EDC3: variants seen among roughly 807,000 people sequenced by gnomAD.
The protein encoded by EDC3 is enhancer of mRNA decapping 3, also known as enhancer of mRNA-decapping protein 3.
EDC3 carries 20 observed loss-of-function variants against 41.8 expected under a neutral mutation model. That is an observed-to-expected ratio of 0.48 (90% CI 0.34 to 0.70). EDC3 has a LOEUF of 0.70. Ranked by LOEUF, EDC3 falls within the 30% of genes least tolerant of loss-of-function variation. The pLI is 0.01. For synonymous variants in EDC3, 206 were observed against 243.2 expected, an observed-to-expected ratio of 0.85 and a Z score of 1.42; for missense variants, 444 against 636.8, an observed-to-expected ratio of 0.70 and a Z score of 3.26.
Position 74,671,605 on chromosome 15 carries a change from T to C in EDC3, c.334A>G (p.Ser112Gly), listed in dbSNP as rs2062739560. ...CTCTTAGGGATATTCTGAGGGGCAC[T>C]GCTGGAAGAGGCTGGCTTCTTGACA... is the stretch of plus-strand genomic sequence containing the variant. The part of the protein sequence containing the change: ...KFVKKPASSS[S>G]APQNIPKRTD... The change falls in exon 3 of 7, where the codon AGT becomes GGT. Residue 112 changes from serine (S) to glycine (G), a missense_variant. Around this residue, in one of 3 missense-constraint regions of EDC3, gnomAD observed 200 missense variants for 244.0 expected, o/e 0.82. Coordinates refer to ENST00000315127, the MANE Select transcript of EDC3 (RefSeq NM_025083.5). The surrounding 1 kb of genome is among the most constrained non-coding windows in gnomAD (Gnocchi z 4.6). The C allele has an allele frequency of 6.2e-7, 1 of 1,614,210 alleles. No individual in the cohort carries two copies. The highest frequency in any genetic ancestry group is 8.5e-7 in the Non-Finnish European group (1 of 1,180,030).
At chr15:74,645,797 A>G (rs2062409244) in intron 4 of EDC3, among the ~76,000 whole-genome samples, 1 of 151,972 alleles carries the variant, frequency 6.6e-6, no homozygotes, top group Admixed American at 6.6e-5. Context: ...AGGGGAGCCC[A>G]GGAGGCAGAG....
intron 4 of EDC3, among the ~76,000 whole-genome samples, chr15:74,654,985 A>C (rs745848373): frequency 2.0e-5 from 3 of 152,226 alleles, no homozygotes. Context: ...GGATCATTCA[A>C]TAACAATGGT....
intron 1 of EDC3, among the ~76,000 whole-genome samples, chr15:74,692,077 C>A (rs571126938): frequency 6.6e-6 from 1 of 152,216 alleles, no homozygotes; most frequent in East Asian, 1.9e-4. Flanking sequence ...CCTCAGTCTC[C>A]CAAAGTGATG....
At chr15:74,657,822 T>C (rs1469693846) in intron 3 of EDC3, among the ~76,000 whole-genome samples, 1 of 152,232 alleles carries the variant, frequency 6.6e-6, no homozygotes, top group Non-Finnish European at 1.5e-5. Context: ...ATTGCTATTC[T>C]GACTTACAAA....
chr15:74,634,928 A>G (rs934413198), intron 6 of EDC3, among the ~76,000 whole-genome samples: 5 of 152,106 alleles, frequency 3.3e-5, no homozygotes, highest in African/African-American at 9.7e-5. Context: ...TAAAAGCCCA[A>G]ATCCTTGTGG....
intron 6 of EDC3, among the ~76,000 whole-genome samples, chr15:74,634,156 G>A (rs571147402): frequency 6.6e-6 from 1 of 152,262 alleles, no homozygotes; most frequent in South Asian, 2.1e-4. Context: ...AAGCTCACCA[G>A]GAGCCTCCAC....
rs1156584025 is a variant in EDC3, at chr15:74,691,301, CACTATATGAATTATTTTAAGAT to C, written c.-19+4557_-19+4578del. 1.4e-4 allele frequency among the ~76,000 whole-genome samples: 22 copies of C among 152,176 alleles called. No individual in the cohort carries two copies. The East Asian group carries it at 3.7e-3, about 25-fold the overall frequency. Reference sequence around the variant, plus strand: ...CAATTATACACCTATCTCATAGAACCACTATATGAATTATTTTAAGATACTATATGGATTATTTTAAGATACT... The same window carrying C: ...CAATTATACACCTATCTCATAGAACCACTATATGGATTATTTTAAGATACT... On this transcript the variant is annotated intron_variant, in intron 1 of 6. Transcript: ENST00000315127.
At chr15:74,690,302 G>A (rs972763856) in intron 1 of EDC3, among the ~76,000 whole-genome samples, 2 of 152,204 alleles carry the variant, frequency 1.3e-5, no homozygotes, top group African/African-American at 4.8e-5. Flanking sequence ...ACTACTGAAT[G>A]CCAGATAAGT....
chr15:74,690,798 A>G (rs889909677), intron 1 of EDC3, among the ~76,000 whole-genome samples: 2 of 152,114 alleles, frequency 1.3e-5, no homozygotes, highest in Admixed American at 1.3e-4. Context: ...CCCGCCTCAG[A>G]AAAAGAAATC....
intron 6 of EDC3, among the ~76,000 whole-genome samples, chr15:74,633,555 T>C (rs1402659788): frequency 2.6e-5 from 4 of 152,226 alleles, no homozygotes; most frequent in African/African-American, 9.6e-5. Flanking sequence ...AGGGAACCTA[T>C]TACTATTCTC....
intron 4 of EDC3, among the ~76,000 whole-genome samples, chr15:74,652,678 C>G (rs2062495981): frequency 6.6e-6 from 1 of 151,812 alleles, no homozygotes; most frequent in Non-Finnish European, 1.5e-5. Flanking sequence ...ACCTCATGGG[C>G]TCAGACGCTC....
At chr15:74,648,012 G>T (rs1344119046) in intron 4 of EDC3, among the ~76,000 whole-genome samples, 1 of 152,168 alleles carries the variant, frequency 6.6e-6, no homozygotes, top group Non-Finnish European at 1.5e-5. Flanking sequence ...AGACAAGGCA[G>T]GACCCTGCAT....
chr15:74,659,511 T>TATATATAG (rs1346060455), intron 3 of EDC3, among the ~76,000 whole-genome samples: 1 of 127,054 alleles, frequency 7.9e-6, no homozygotes, highest in African/African-American at 2.9e-5. Context: ...TATATATATA[T>TATATATAG]AGGCAAATAA....
At chr15:74,649,410 C>A (rs1056711145) in intron 4 of EDC3, among the ~76,000 whole-genome samples, 13 of 152,128 alleles carry the variant, frequency 8.5e-5, no homozygotes, top group Admixed American at 7.2e-4. Flanking sequence ...TGAGCCACTG[C>A]AGCCAACTAC....
intron 4 of EDC3, among the ~76,000 whole-genome samples, chr15:74,646,629 T>C (rs1013624853): frequency 5.9e-5 from 9 of 152,148 alleles, no homozygotes; most frequent in Non-Finnish European, 1.3e-4. Context: ...CCAGAATGCA[T>C]GTGACATGTG....
intron 1 of EDC3, among the ~76,000 whole-genome samples, chr15:74,688,768 G>A (rs950083921): frequency 2.0e-4 from 30 of 152,176 alleles, no homozygotes; most frequent in African/African-American, 6.7e-4. Flanking sequence ...TTAGCTGGGC[G>A]TGGTGGCACA....
intron 4 of EDC3, among the ~76,000 whole-genome samples, chr15:74,654,096 CA>C (rs1160105164): frequency 1.3e-5 from 2 of 151,794 alleles, no homozygotes; most frequent in African/African-American, 4.8e-5. Context: ...ACTAAAAATA[CA>C]AAAAAATTAG....
chr15:74,634,718 C>T (rs761882321), intron 6 of EDC3, among the ~76,000 whole-genome samples: 2 of 152,124 alleles, frequency 1.3e-5, no homozygotes, highest in African/African-American at 2.4e-5. Context: ...AACTAACTAC[C>T]TTCACCACCT....
Position 74,671,404 on chromosome 15 carries a change from A to C in EDC3, c.484+51T>G, listed in dbSNP as rs749503885. 1.3e-6 allele frequency: 2 copies of C among 1,565,674 alleles called. No homozygotes were observed. Among genetic ancestry groups the C allele is most frequent in the Non-Finnish European group, 1.7e-6 (2 of 1,149,540 alleles). On this transcript the variant is annotated intron_variant, in intron 3 of 6. Transcript: ENST00000315127. The surrounding 1 kb of genome is among the most constrained non-coding windows in gnomAD (Gnocchi z 4.6). ...TAAAGAGCAGCAGTGCTTATGGCTT[A>C]TAGCCCTGAAACACCAGATTGAGAA...
Sources: allele counts gnomAD v4.1 joint callset (sites outside exome capture counted in the v4.1 genomes callset), GRCh38; gene constraint gnomAD v4.1.1; regional missense constraint gnomAD v4.1.1; non-coding constraint Gnocchi (gnomAD v3.1); transcripts MANE v1.5; gene names NCBI Gene and HGNC (gene_info 2026-07-23, HGNC 2026-07-21).